PADI4: variants seen among roughly 807,000 people sequenced by gnomAD.
PADI4 encodes peptidyl arginine deiminase 4, also known as protein-arginine deiminase type-4.
A neutral mutation model predicts 75.0 loss-of-function variants in PADI4; 62 were observed. The observed-to-expected ratio is 0.83, with a 90% CI of 0.67 to 1.02. The LOEUF is 1.02. PADI4 is among the 50% of genes least tolerant of loss of function. The probability of loss-of-function intolerance (pLI) is 0.00; values close to 1 mark genes in which losing one functional copy is unlikely to be tolerated. For synonymous variants in PADI4, 361 were observed against 348.1 expected, an observed-to-expected ratio of 1.04 and a Z score of -0.41; for missense variants, 845 against 850.5, an observed-to-expected ratio of 0.99 and a Z score of 0.08.
intron 13 of PADI4, 62 bp from the exon 14 acceptor site, chr1:17,358,776 C>A: frequency 9.0e-7 from 1 of 1,109,614 alleles, no homozygotes; most frequent in Non-Finnish European, 1.3e-6. Flanking sequence ...CCGGCACTGG[C>A]TGGGAAGAGG....
At chr1:17,329,087 T>A (rs1280939508) in intron 1 of PADI4, among the ~76,000 whole-genome samples, 1 of 145,278 alleles carries the variant, frequency 6.9e-6, no homozygotes, top group Non-Finnish European at 1.5e-5. Flanking sequence ...TTTATTAGTA[T>A]CTTAATAAAT....
chr1:17,357,579 A>G (rs1263983283), intron 13 of PADI4, among the ~76,000 whole-genome samples: 1 of 152,172 alleles, frequency 6.6e-6, no homozygotes, highest in African/African-American at 2.4e-5. Flanking sequence ...TCCTGCATGC[A>G]AGTAGATATT....
In PADI4 at chr1:17,340,807, T is replaced by A. The variant is rs12567171; in HGVS notation, c.652+994T>A. Among the ~76,000 whole-genome samples the A allele has an allele frequency of 2.9e-3, 421 of 143,514 alleles. 3 individuals are homozygous for A. The highest frequency in any genetic ancestry group is 0.012 in the East Asian group (61 of 4,982). The allele number at this position is 143,514 out of a possible 152,430, so 94.2% of individuals were successfully genotyped here. A position where few individuals can be genotyped will look rare whatever the true frequency, so the allele number is the denominator to read the frequency against. On this transcript the variant is annotated intron_variant, in intron 6 of 15. Transcript: ENST00000375448. ...ATTCCAAGCTTTTTTTTTTTTTTTT[T>A]AATTTTTTTTTTTGAGAGAGTCTCA...
At position 17,346,104 on chromosome 1, in the gene PADI4, C is replaced by T; in HGVS notation, c.1012C>T (p.Pro338Ser). ...AGCCAAGTGCAAGCTGACCATCTGC[C>T]CTGAGGAGGAGAACATGGATGACCA... ...MKAKCKLTIC[P>S]EEENMDDQWM... The change falls in exon 9 of 16, where the codon CCT (proline) becomes TCT (serine). Residue 338 changes from proline to serine, a missense_variant. Pro to Ser is a moderately conservative substitution (Grantham distance 74). Coordinates refer to ENST00000375448, the MANE Select transcript of PADI4 (RefSeq NM_012387.3). This position sits in a 1 kb window ranked among gnomAD's most constrained non-coding sequence, Gnocchi z 4.3. 6.2e-7 allele frequency: 1 copy of T among 1,613,684 alleles called. No homozygotes were observed. The highest frequency in any genetic ancestry group is 8.5e-7 in the Non-Finnish European group (1 of 1,179,562).
At chr1:17,345,149 T>C (rs2100750934) in intron 8 of PADI4, among the ~76,000 whole-genome samples, 1 of 152,386 alleles carries the variant, frequency 6.6e-6, no homozygotes, top group Non-Finnish European at 1.5e-5. Context: ...AAGATCATTT[T>C]GGAGCTTTAA....
intron 8 of PADI4, 66 bp downstream of exon 8, chr1:17,342,468 TCA>T: frequency 1.0e-6 from 1 of 957,524 alleles, no homozygotes; most frequent in South Asian, 1.4e-5. Context: ...TCCGCAGCAC[TCA>T]CTGTGTGATG....
At chr1:17,322,509 C>T (rs1486165231) in intron 1 of PADI4, among the ~76,000 whole-genome samples, 1 of 151,714 alleles carries the variant, frequency 6.6e-6, no homozygotes, top group Non-Finnish European at 1.5e-5. Flanking sequence ...AAAAGATAAG[C>T]TATAAATGTA....
intron 11 of PADI4, 111 bp downstream of exon 11, chr1:17,354,798 A>G (rs2074732181): frequency 1.9e-6 from 2 of 1,041,354 alleles, no homozygotes; most frequent in Admixed American, 5.8e-5. Context: ...ACAGCCCAAC[A>G]GACTTGAGGG....
Position 17,346,312 on chromosome 1 carries a change from T to A in PADI4, c.1047+173T>A, listed in dbSNP as rs932665593. Among the ~76,000 whole-genome samples the A allele has an allele frequency of 6.6e-6, 1 of 152,168 alleles. No homozygotes were observed. Among genetic ancestry groups the A allele is most frequent in the African/African-American group, 2.4e-5 (1 of 41,454 alleles). ...CCGGGAGGCTCAAGCAAGTGATTCATCTGACGTTTGCTGTGGGCCACTGCA... is the reference window on the plus strand; with the variant it reads ...CCGGGAGGCTCAAGCAAGTGATTCAACTGACGTTTGCTGTGGGCCACTGCA... On this transcript the variant is annotated intron_variant, in intron 9 of 15. Transcript: ENST00000375448. This position sits in a 1 kb window ranked among gnomAD's most constrained non-coding sequence, Gnocchi z 4.3.
intron 15 of PADI4, 36 bp from the exon 16 acceptor site, chr1:17,363,486 C>A: frequency 6.8e-7 from 1 of 1,475,540 alleles, no homozygotes; most frequent in Non-Finnish European, 9.4e-7. Context: ...AGGCTGCCCG[C>A]TGCTGCCTGT....
At chr1:17,359,056 T>C in intron 14 of PADI4, 148 bp downstream of exon 14, 1 of 686,126 alleles carries the variant, frequency 1.5e-6, no homozygotes, top group Non-Finnish European at 2.5e-6. Context: ...AAGCAAAGAC[T>C]GGGAGAGGCT....
intron 10 of PADI4, among the ~76,000 whole-genome samples, chr1:17,349,109 C>T (rs1016693695): frequency 6.6e-6 from 1 of 152,234 alleles, no homozygotes; most frequent in Non-Finnish European, 1.5e-5. Context: ...GTTGGATTCA[C>T]AGTGTGTACT....
Position 17,363,786 on chromosome 1 carries a change from G to A in PADI4, c.*31G>A, listed in dbSNP as rs753316591. On this transcript the variant is annotated 3_prime_UTR_variant, in exon 16 of 16. Coordinates refer to ENST00000375448, the MANE Select transcript of PADI4 (RefSeq NM_012387.3). Reference sequence around the variant, plus strand: ...TCTTCCCTGGCGTCCTCTCCCTCCTGGCCAGATGTCGCTGGGTCCTCTGCA... The same window carrying A: ...TCTTCCCTGGCGTCCTCTCCCTCCTAGCCAGATGTCGCTGGGTCCTCTGCA... The A allele has an allele frequency of 6.7e-7, 1 of 1,499,742 alleles. No homozygotes were observed. The highest frequency in any genetic ancestry group is 9.3e-7 in the Non-Finnish European group (1 of 1,077,548). The allele number at this position is 1,499,742 out of a possible 1,614,324, so 92.9% of individuals were successfully genotyped here.
intron 1 of PADI4, among the ~76,000 whole-genome samples, chr1:17,309,391 C>T (rs1032009045): frequency 1.3e-5 from 2 of 152,096 alleles, no homozygotes; most frequent in Non-Finnish European, 2.9e-5. Context: ...AAATAACTGT[C>T]TTTGTTTCTT....
intron 1 of PADI4, among the ~76,000 whole-genome samples, chr1:17,330,460 C>A (rs961656906): frequency 1.3e-5 from 2 of 152,320 alleles, no homozygotes; most frequent in South Asian, 2.1e-4. Flanking sequence ...AAGAGAGAAG[C>A]TGGCAGTGGC....
chr1:17,333,289 G>A (rs376755724), intron 2 of PADI4, among the ~76,000 whole-genome samples: 15 of 152,106 alleles, frequency 9.9e-5, no homozygotes, highest in South Asian at 4.2e-4. Context: ...GAGCACCTCC[G>A]CGTGGCCCCT....
intron 10 of PADI4, among the ~76,000 whole-genome samples, chr1:17,353,031 G>A (rs1180626510): frequency 1.3e-5 from 2 of 152,204 alleles, no homozygotes; most frequent in African/African-American, 2.4e-5. Flanking sequence ...AGGGGAAGGC[G>A]AGGCCCGCGC....
rs569757302 is a variant in PADI4, at chr1:17,340,422, G to A, written c.652+609G>A. 1.9e-4 allele frequency among the ~76,000 whole-genome samples: 29 copies of A among 152,282 alleles called. No homozygotes were observed. In the South Asian group the frequency reaches 6.0e-3, roughly 32 times the overall value. On this transcript the variant is annotated intron_variant, in intron 6 of 15. Transcript: ENST00000375448. Reference sequence around the variant, plus strand: ...AGTTCGGGTTGTGTGGAGAGAGGGTGGCCAGGGAAGGTGTCCCCCATGAGG... The same window carrying A: ...AGTTCGGGTTGTGTGGAGAGAGGGTAGCCAGGGAAGGTGTCCCCCATGAGG...
intron 1 of PADI4, among the ~76,000 whole-genome samples, chr1:17,315,918 C>T (rs2073925112): frequency 1.3e-5 from 2 of 151,936 alleles, no homozygotes; most frequent in Admixed American, 6.5e-5. Context: ...AGGGCTACAC[C>T]TGTCACTTGA....
Sources: gnomAD v4.1 joint callset for allele counts (sites outside exome capture counted in the v4.1 genomes callset) on GRCh38, gnomAD v4.1.1 for gene constraint, Gnocchi (gnomAD v3.1) non-coding constraint, MANE v1.5 for transcripts, NCBI Gene and HGNC (gene_info 2026-07-23, HGNC 2026-07-21) for gene names.